Variants in RIMBP2 observed in about 807,000 individuals in gnomAD.
RIMBP2 encodes the protein RIMS binding protein 2, also known as RIMS-binding protein 2.
A neutral mutation model predicts 118.6 loss-of-function variants in RIMBP2; 48 were observed. The observed-to-expected ratio is 0.40, with a 90% confidence interval of 0.32 to 0.51. The LOEUF is 0.51. RIMBP2 is among the 20% of genes least tolerant of loss of function. RIMBP2 has a pLI of 0.41. For missense variants in RIMBP2, 1,551 were observed against 1,768.3 expected (o/e 0.88, Z 2.20); for synonymous variants, 762 against 742.9 (o/e 1.03, Z -0.42).
chr12:130,709,705 T>A (rs915543149), intron 1 of RIMBP2, among the ~76,000 whole-genome samples: 2 of 151,960 alleles, frequency 1.3e-5, no homozygotes, highest in Non-Finnish European at 2.9e-5. Context: ...GTAATAAGCA[T>A]GAAGAATGCC....
intron 1 of RIMBP2, among the ~76,000 whole-genome samples, chr12:130,681,542 A>T (rs1009144886): frequency 2.5e-4 from 38 of 150,710 alleles, no homozygotes; most frequent in Non-Finnish European, 1.6e-4. Flanking sequence ...GATTTTTTTT[A>T]AAAAAATCAA....
intron 2 of RIMBP2, among the ~76,000 whole-genome samples, chr12:130,586,237 G>A (rs2058874071): frequency 6.6e-6 from 1 of 152,160 alleles, no homozygotes; most frequent in African/African-American, 2.4e-5. Flanking sequence ...GGTGGATCAC[G>A]AGGTCAGGAG....
intron 2 of RIMBP2, among the ~76,000 whole-genome samples, chr12:130,522,318 G>A (rs2052219771): frequency 6.6e-6 from 1 of 152,226 alleles, no homozygotes; most frequent in Admixed American, 6.5e-5. Flanking sequence ...GGAGAGCCGT[G>A]TAACACACTC....
intron 3 of RIMBP2, among the ~76,000 whole-genome samples, chr12:130,508,730 C>T (rs61934560): frequency 0.15 from 23,468 of 152,194 alleles, 2,479 homozygotes; most frequent in Non-Finnish European, 0.23. Flanking sequence ...TGTCACCAGA[C>T]AGAAGTTTTC....
chr12:130,559,894 C>T (rs1486181848), intron 2 of RIMBP2, among the ~76,000 whole-genome samples: 1 of 152,214 alleles, frequency 6.6e-6, no homozygotes, highest in Admixed American at 6.5e-5. Flanking sequence ...ATAAAATGAA[C>T]AACGGTAACA....
chr12:130,400,471 C>A (rs2074423048), intron 21 of RIMBP2, among the ~76,000 whole-genome samples: 1 of 152,184 alleles, frequency 6.6e-6, no homozygotes, highest in Non-Finnish European at 1.5e-5. Flanking sequence ...ATCCATGAGT[C>A]CATCTGCCTG....
At chr12:130,585,783 C>G (rs1011830346) in intron 2 of RIMBP2, among the ~76,000 whole-genome samples, 5 of 152,318 alleles carry the variant, frequency 3.3e-5, no homozygotes, top group East Asian at 1.9e-4. Flanking sequence ...GACGTGGTCA[C>G]AGTCCCCACC....
At chr12:130,615,276 C>CATATATATATATATATGT (rs2060847117) in intron 2 of RIMBP2, among the ~76,000 whole-genome samples, 1 of 100,266 alleles carries the variant, frequency 1.0e-5, no homozygotes, top group African/African-American at 3.9e-5. Flanking sequence ...AATACACATA[C>CATATATATATATATATGT]ATATATATAT....
intron 6 of RIMBP2, among the ~76,000 whole-genome samples, chr12:130,467,948 A>G (rs2079172044): frequency 6.6e-6 from 1 of 152,176 alleles, no homozygotes; most frequent in Non-Finnish European, 1.5e-5. Context: ...ATTTTATGTA[A>G]CATGTGTTCT....
At chr12:130,696,643 A>T (rs1212122520) in intron 1 of RIMBP2, among the ~76,000 whole-genome samples, 1 of 152,272 alleles carries the variant, frequency 6.6e-6, no homozygotes, top group Non-Finnish European at 1.5e-5. Flanking sequence ...ATGAGGTTTA[A>T]CAAAGGTGAT....
In RIMBP2 at chr12:130,525,956, C is replaced by T. The variant is rs1423702377; in HGVS notation, c.-216-8039G>A. Reference sequence around the variant, plus strand: ...CATGTGGAGGGGTGGGACTCAAGCCCGGGCTGTGCAGCTGTCAGGTTTGAG... The same window carrying T: ...CATGTGGAGGGGTGGGACTCAAGCCTGGGCTGTGCAGCTGTCAGGTTTGAG... On this transcript the variant is annotated intron_variant, in intron 2 of 22. Coordinates refer to ENST00000690449, the MANE Select transcript of RIMBP2 (RefSeq NM_001393629.1). The surrounding 1 kb of genome is among the most constrained non-coding windows in gnomAD (Gnocchi z 4.4). Among the ~76,000 whole-genome samples the T allele has an allele frequency of 2.0e-5, 3 of 152,050 alleles. No individual in the cohort carries two copies.
At chr12:130,444,424 C>T (rs1351859403) in intron 10 of RIMBP2, among the ~76,000 whole-genome samples, 1 of 152,144 alleles carries the variant, frequency 6.6e-6, no homozygotes, top group Non-Finnish European at 1.5e-5. Flanking sequence ...GAAAGAGAAA[C>T]CTGCTAGCTT....
At chr12:130,577,566 C>G (rs1370077221) in intron 2 of RIMBP2, among the ~76,000 whole-genome samples, 1 of 152,074 alleles carries the variant, frequency 6.6e-6, no homozygotes, top group South Asian at 2.1e-4. Flanking sequence ...CTCACTATCG[C>G]GAGAACAGCA....
At chr12:130,540,174 A>C (rs533271081) in intron 2 of RIMBP2, among the ~76,000 whole-genome samples, 16 of 152,116 alleles carry the variant, frequency 1.1e-4, no homozygotes, top group African/African-American at 3.1e-4. Context: ...AAACCAGTGC[A>C]GGGCTGAGAG....
chr12:130,556,376 T>C (rs1203125252), intron 2 of RIMBP2, among the ~76,000 whole-genome samples: 1 of 152,242 alleles, frequency 6.6e-6, no homozygotes, highest in Admixed American at 6.5e-5. Context: ...GCATAATTTT[T>C]ATCTTACCAT....
At chr12:130,641,766 G>C (rs1381273396) in intron 1 of RIMBP2, among the ~76,000 whole-genome samples, 1 of 152,144 alleles carries the variant, frequency 6.6e-6, no homozygotes, top group Admixed American at 6.5e-5. Flanking sequence ...TGCCCCTTAT[G>C]CTTGGCTGGA....
chr12:130,424,312 C>T lies in RIMBP2; in HGVS notation c.2959G>A (p.Asp987Asn), dbSNP rs1010177308. Residue 987 changes from aspartate (D) to asparagine (N), a missense_variant, in exon 16 of 23, where the codon GAC (aspartate) becomes AAC (asparagine). By Grantham distance (23) the Asp-to-Asn change is conservative. Coordinates refer to ENST00000690449, the MANE Select transcript of RIMBP2 (RefSeq NM_001393629.1). The surrounding 1 kb of genome is among the most constrained non-coding windows in gnomAD (Gnocchi z 9.8). ...QVGPGGLLRN[D>N]DPQPGPERPP... is the part of the protein sequence containing the mutation. Reference sequence around the variant, plus strand: ...CTCTCCGGGCCGGGCTGGGGGTCGTCGTTCCTGAGGAGGCCACCAGGGCCC... The same window carrying T: ...CTCTCCGGGCCGGGCTGGGGGTCGTTGTTCCTGAGGAGGCCACCAGGGCCC... 4.5e-5 allele frequency: 56 copies of T among 1,231,618 alleles called. No homozygotes were observed. The highest frequency in any genetic ancestry group is 3.1e-4 in the Middle Eastern group (1 of 3,230). The allele number at this position is 1,231,618 out of a possible 1,614,324, so 76.3% of individuals were successfully genotyped here. A position where few individuals can be genotyped will look rare whatever the true frequency, so the allele number is the denominator to read the frequency against.
At chr12:130,651,001 T>C (rs1242287647) in intron 1 of RIMBP2, among the ~76,000 whole-genome samples, 4 of 151,082 alleles carry the variant, frequency 2.6e-5, no homozygotes, top group African/African-American at 9.7e-5. Context: ...GAAACTGCTT[T>C]GTAAATGTCA....
At chr12:130,709,258 G>A (rs1949720665) in intron 1 of RIMBP2, among the ~76,000 whole-genome samples, 1 of 152,220 alleles carries the variant, frequency 6.6e-6, no homozygotes, top group Non-Finnish European at 1.5e-5. Flanking sequence ...TGGCCCTCCC[G>A]GGGCCCCAAC....
Sources: allele counts gnomAD v4.1 joint callset (sites outside exome capture counted in the v4.1 genomes callset), GRCh38; gene constraint gnomAD v4.1.1; non-coding constraint Gnocchi (gnomAD v3.1); transcripts MANE v1.5; gene names NCBI Gene and HGNC (gene_info 2026-07-23, HGNC 2026-07-21).